The following CDK6 variants were observed in gnomAD, a reference collection of about 807,000 sequenced individuals.
CDK6 encodes the protein cyclin dependent kinase 6.
A neutral mutation model predicts 37.1 loss-of-function variants in CDK6; 6 were observed. The ratio of observed to expected loss-of-function variants is 0.16; its 90% confidence interval spans 0.09 to 0.32. The LOEUF is 0.32. Among genes scored for constraint, CDK6 ranks in the 10% least tolerant of loss-of-function variants. CDK6 has a pLI of 1.00. For synonymous variants in CDK6, 160 were observed against 161.3 expected (o/e 0.99, Z 0.06); for missense variants, 224 against 418.9 (o/e 0.53, Z 4.06).
In CDK6 at chr7:92,618,161, G is replaced by T. The variant is rs2116484630; in HGVS notation, c.745C>A (p.Leu249Ile). 1.9e-6 allele frequency: 3 copies of T among 1,614,110 alleles called. No homozygotes were observed. The highest frequency in any genetic ancestry group is 2.5e-6 in the Non-Finnish European group (3 of 1,179,946). Residue 249 changes from leucine to isoleucine, a missense_variant, in exon 7 of 8, where the codon CTT becomes ATT. Leu to Ile is a conservative substitution (Grantham distance 5). This residue lies in a region of CDK6 where 90 missense variants were observed against 136.2 expected (regional missense o/e 0.66). Coordinates refer to ENST00000424848, the MANE Select transcript of CDK6 (RefSeq NM_001145306.2). ...GEEDWPRDVA[L>I]PRQAFHSKSA... ...TTTGAATGAAAAGCCTGCCTGGGAA[G>T]GGCAACATCTCTAGGCCAGTCTTCT... is the stretch of plus-strand genomic sequence containing the variant.
At chr7:92,656,658 T>A (rs1048193265) in intron 5 of CDK6, among the ~76,000 whole-genome samples, 1 of 152,124 alleles carries the variant, frequency 6.6e-6, no homozygotes, top group Non-Finnish European at 1.5e-5. Flanking sequence ...AGATTGGAGG[T>A]CCAAGCCCCA....
At chr7:92,623,351 G>C (rs984445380) in intron 5 of CDK6, among the ~76,000 whole-genome samples, 1 of 152,128 alleles carries the variant, frequency 6.6e-6, no homozygotes, top group African/African-American at 2.4e-5. Context: ...TCTTACAACA[G>C]TGCTACCGTC....
rs80078749 is a variant in CDK6 at position 92,721,154 on chromosome 7, C to T, written c.537+4472G>A. 3.0e-3 allele frequency among the ~76,000 whole-genome samples: 459 copies of T among 152,298 alleles called. 3 individuals are homozygous for T. The highest frequency in any genetic ancestry group is 5.8e-3 in the Non-Finnish European group (397 of 68,032). ...ACTCCTTCTTTGAACCACAAGGGGC[C>T]TCATACACATGCTTACGGACACTCC... On this transcript the variant is annotated intron_variant, in intron 4 of 7. Coordinates refer to ENST00000424848, the MANE Select transcript of CDK6 (RefSeq NM_001145306.2).
chr7:92,667,911 GAAGA>G (rs992628982), intron 5 of CDK6, among the ~76,000 whole-genome samples: 1 of 152,080 alleles, frequency 6.6e-6, no homozygotes, highest in Non-Finnish European at 1.5e-5. Context: ...TGTTATTATT[GAAGA>G]AAGAAAAATA....
chr7:92,739,410 CCAAAATAA>C (rs1008872463), intron 3 of CDK6, among the ~76,000 whole-genome samples: 10 of 152,310 alleles, frequency 6.6e-5, no homozygotes, highest in African/African-American at 2.4e-4. Context: ...TCCATCTGTT[CCAAAATAA>C]TAATACAGTT....
intron 3 of CDK6, among the ~76,000 whole-genome samples, chr7:92,738,410 C>A (rs1162751026): frequency 6.6e-6 from 1 of 152,152 alleles, no homozygotes; most frequent in Non-Finnish European, 1.5e-5. Flanking sequence ...GAGGCCATGG[C>A]AGGCAGATCA....
intron 2 of CDK6, among the ~76,000 whole-genome samples, chr7:92,794,497 C>T (rs1800358001): frequency 6.6e-6 from 1 of 152,094 alleles, no homozygotes; most frequent in Non-Finnish European, 1.5e-5. Context: ...CCTAAAAATA[C>T]TTACAGTTGC....
chr7:92,799,728 T>A (rs1027036224), intron 2 of CDK6, among the ~76,000 whole-genome samples: 1 of 152,166 alleles, frequency 6.6e-6, no homozygotes, highest in African/African-American at 2.4e-5. Flanking sequence ...TTCTCCTTAT[T>A]GTGGGACAAA....
chr7:92,674,017 C>T (rs1467647140), intron 4 of CDK6, among the ~76,000 whole-genome samples: 1 of 151,658 alleles, frequency 6.6e-6, no homozygotes, highest in East Asian at 1.9e-4. Context: ...TGAGCTCAGG[C>T]AATCTGCCTG....
At chr7:92,619,872 A>C (rs1252061631) in intron 6 of CDK6, among the ~76,000 whole-genome samples, 1 of 152,170 alleles carries the variant, frequency 6.6e-6, no homozygotes, top group East Asian at 1.9e-4. Flanking sequence ...TACAGCCTAC[A>C]ATAGAAGTAA....
At chr7:92,707,774 A>T (rs1798000139) in intron 4 of CDK6, among the ~76,000 whole-genome samples, 1 of 152,210 alleles carries the variant, frequency 6.6e-6, no homozygotes, top group African/African-American at 2.4e-5. Flanking sequence ...TAGGTATATA[A>T]TGTTTTAAAT....
chr7:92,699,474 C>T (rs1797794044), intron 4 of CDK6, among the ~76,000 whole-genome samples: 1 of 152,202 alleles, frequency 6.6e-6, no homozygotes, highest in Non-Finnish European at 1.5e-5. Flanking sequence ...TTCTACTAAA[C>T]CAAATTCTCC....
intron 5 of CDK6, among the ~76,000 whole-genome samples, chr7:92,648,059 G>T: frequency 6.6e-6 from 1 of 152,128 alleles, no homozygotes; most frequent in Non-Finnish European, 1.5e-5. Flanking sequence ...GATTCATGTT[G>T]GGGATTCGTT....
rs1457923656 is a variant in CDK6, at chr7:92,774,955, G to C, written c.234-124C>G. On this transcript the variant is annotated intron_variant, in intron 2 of 7. Transcript: ENST00000424848. ...AAAAGGCCAGTGTTGATCATTTCTT[G>C]TGATCATATGTAAAGATATCAAATG... 3.8e-6 allele frequency: 3 copies of C among 797,074 alleles called. No individual in the cohort carries two copies. In the African/African-American group the frequency reaches 5.5e-5, roughly 15 times the overall value. The allele number at this position is 797,074 out of a possible 1,614,324, so 49.4% of individuals were successfully genotyped here.
At chr7:92,772,885 CA>C (rs1799752612) in intron 3 of CDK6, among the ~76,000 whole-genome samples, 1 of 152,004 alleles carries the variant, frequency 6.6e-6, no homozygotes, top group Admixed American at 6.6e-5. Context: ...ATATAATGCT[CA>C]AAAGATCTAT....
At chr7:92,629,903 A>G (rs1796015058) in intron 5 of CDK6, among the ~76,000 whole-genome samples, 1 of 152,056 alleles carries the variant, frequency 6.6e-6, no homozygotes, top group African/African-American at 2.4e-5. Flanking sequence ...CCTTCTTGCT[A>G]TGCACTCACG....
chr7:92,727,772 A>T (rs1418955004), intron 3 of CDK6, among the ~76,000 whole-genome samples: 1 of 152,174 alleles, frequency 6.6e-6, no homozygotes, highest in Admixed American at 6.5e-5. Context: ...AGAAGACTGC[A>T]TTGGGGAGGA....
chr7:92,698,207 C>T (rs1797764519), intron 4 of CDK6, among the ~76,000 whole-genome samples: 1 of 152,218 alleles, frequency 6.6e-6, no homozygotes, highest in African/African-American at 2.4e-5. Context: ...TCTCCATGAA[C>T]TTTAATTATT....
At chr7:92,662,931 C>T (rs539820714) in intron 5 of CDK6, among the ~76,000 whole-genome samples, 9 of 152,118 alleles carry the variant, frequency 5.9e-5, no homozygotes, top group South Asian at 2.1e-4. Flanking sequence ...AGAAAAAGGC[C>T]GGGTTTTAGT....
Sources: allele counts gnomAD v4.1 joint callset (sites outside exome capture counted in the v4.1 genomes callset), GRCh38; gene constraint gnomAD v4.1.1; regional missense constraint gnomAD v4.1.1; transcripts MANE v1.5; gene names NCBI Gene and HGNC (gene_info 2026-07-23, HGNC 2026-07-21).